The following NIBAN1 variants were observed in gnomAD, a reference collection of about 807,000 sequenced individuals.
NIBAN1 encodes the protein protein Niban 1.
A neutral mutation model predicts 75.1 loss-of-function variants in NIBAN1; 81 were observed. The observed-to-expected ratio is 1.08, with a 90% confidence interval of 0.90 to 1.30. NIBAN1 has a LOEUF of 1.30. NIBAN1 is among the 50% of genes most tolerant of loss of function. NIBAN1 has a pLI of 0.00. For missense variants in NIBAN1, 1,133 were observed against 1,128.1 expected (o/e 1.00, Z -0.06); for synonymous variants, 436 against 424.8 (o/e 1.03, Z -0.32).
rs1375813939 is a variant in NIBAN1, at chr1:184,918,630, T to C, written c.56-19321A>G. On this transcript the variant is annotated intron_variant, in intron 1 of 13. Coordinates refer to ENST00000367511, the MANE Select transcript of NIBAN1 (RefSeq NM_052966.4). ...CATCTGCAAAGTCAAATTGCAAGTC[T>C]ACCTTGAAGCTTCTCCTGAATTCTC... 4.6e-5 allele frequency among the ~76,000 whole-genome samples: 7 copies of C among 152,344 alleles called. No individual in the cohort carries two copies. The South Asian group carries it at 1.2e-3, about 27-fold the overall frequency.
intron 1 of NIBAN1, among the ~76,000 whole-genome samples, chr1:184,973,831 G>A (rs116319712): frequency 0.025 from 3,840 of 152,334 alleles, 124 homozygotes; most frequent in African/African-American, 0.073. Flanking sequence ...GCGAAGCTGC[G>A]GCCAACGCCG....
chr1:184,905,604 C>A (rs550460284), intron 1 of NIBAN1, among the ~76,000 whole-genome samples: 19 of 152,234 alleles, frequency 1.2e-4, no homozygotes, highest in Admixed American at 1.0e-3. Flanking sequence ...CCCCCTAAGT[C>A]CCCTGCTAGC....
chr1:184,942,288 T>G (rs1242965635), intron 1 of NIBAN1, among the ~76,000 whole-genome samples: 2 of 152,268 alleles, frequency 1.3e-5, no homozygotes, highest in Non-Finnish European at 2.9e-5. Context: ...AAGTTATACT[T>G]TTTTAGTCCA....
chr1:184,914,598 A>G (rs1262648840), intron 1 of NIBAN1, among the ~76,000 whole-genome samples: 1 of 152,150 alleles, frequency 6.6e-6, no homozygotes, highest in African/African-American at 2.4e-5. Context: ...CTTATGTATA[A>G]TTGAGGATTA....
Position 184,894,063 on chromosome 1 carries a change from G to C in NIBAN1, c.318+12C>G. On this transcript the variant is annotated intron_variant, in intron 3 of 13. Transcript: ENST00000367511. ...CAGTGTAAGAATCAGTAGTAACAAA[G>C]AAGTGTCTTACCTCTTTATTCTCAT... The C allele has an allele frequency of 6.3e-7, 1 of 1,589,914 alleles. No homozygotes were observed. The highest frequency in any genetic ancestry group is 8.5e-7 in the Non-Finnish European group (1 of 1,170,992).
chr1:184,851,644 T>A (rs5779231), intron 5 of NIBAN1, among the ~76,000 whole-genome samples: 5,501 of 115,636 alleles, frequency 0.048, 1,676 homozygotes, highest in African/African-American at 0.084. Context: ...AAAAAAAAAT[T>A]AAAAAAAAAA....
Position 184,890,186 on chromosome 1 carries a change from G to A in NIBAN1, c.355C>T (p.Leu119Phe). 1 of 1,613,940 alleles carries A rather than the reference G, an allele frequency of 6.2e-7. No individual in the cohort carries two copies. Among genetic ancestry groups the A allele is most frequent in the Non-Finnish European group, 8.5e-7 (1 of 1,179,868 alleles). ...GTTAACACCTTGCCACCGGCTGGAA[G>A]AATTCGACATTTAGGAGCAGCTCCT... ...QRGAAPKCRI[L>F]PAGGKVLTSE... Residue 119 changes from leucine (L) to phenylalanine (F), a missense_variant, in exon 4 of 14, where the codon CTT becomes TTT. Leu to Phe is a conservative substitution (Grantham distance 22). Transcript: ENST00000367511.
intron 9 of NIBAN1, among the ~76,000 whole-genome samples, chr1:184,810,281 G>A (rs1189809531): frequency 2.0e-5 from 3 of 152,114 alleles, no homozygotes; most frequent in Non-Finnish European, 4.4e-5. Flanking sequence ...TTAAACTGTA[G>A]GGTACACCAG....
intron 5 of NIBAN1, among the ~76,000 whole-genome samples, chr1:184,867,159 C>G (rs556973139): frequency 6.6e-6 from 1 of 151,916 alleles, no homozygotes; most frequent in Non-Finnish European, 1.5e-5. Flanking sequence ...CGGTCTCTCT[C>G]TCTCTCTCTC....
intron 1 of NIBAN1, among the ~76,000 whole-genome samples, chr1:184,960,743 C>T (rs1315597202): frequency 1.3e-5 from 2 of 152,050 alleles, no homozygotes; most frequent in African/African-American, 4.8e-5. Flanking sequence ...ATTCTCCTGT[C>T]TCAGCCTCCA....
chr1:184,875,667 A>C (rs1353605552), intron 5 of NIBAN1, among the ~76,000 whole-genome samples: 1 of 152,100 alleles, frequency 6.6e-6, no homozygotes, highest in Non-Finnish European at 1.5e-5. Context: ...GGAAAATTTG[A>C]CTCCATTTTT....
At chr1:184,961,877 G>A (rs558312597) in intron 1 of NIBAN1, among the ~76,000 whole-genome samples, 22 of 152,346 alleles carry the variant, frequency 1.4e-4, no homozygotes, top group South Asian at 2.1e-4. Flanking sequence ...ATTGCTGTGC[G>A]TAAGAATTTA....
intron 1 of NIBAN1, among the ~76,000 whole-genome samples, chr1:184,925,884 T>C (rs764660340): frequency 1.3e-5 from 2 of 152,192 alleles, no homozygotes; most frequent in African/African-American, 2.4e-5. Context: ...AATTACAGTG[T>C]TATAATATTC....
intron 5 of NIBAN1, among the ~76,000 whole-genome samples, chr1:184,833,984 T>A (rs1450601892): frequency 1.3e-5 from 2 of 151,998 alleles, no homozygotes; most frequent in Non-Finnish European, 2.9e-5. Context: ...CATTAGGTAT[T>A]TCTCCTAATG....
intron 8 of NIBAN1, among the ~76,000 whole-genome samples, chr1:184,820,240 C>A (rs1214268239): frequency 6.6e-6 from 1 of 152,032 alleles, no homozygotes; most frequent in Non-Finnish European, 1.5e-5. Context: ...ATGGAAATTT[C>A]AGAACAATGC....
At chr1:184,881,457 G>A (rs192997231) in intron 5 of NIBAN1, among the ~76,000 whole-genome samples, 13 of 152,272 alleles carry the variant, frequency 8.5e-5, no homozygotes, top group Admixed American at 3.9e-4. Flanking sequence ...AACCCCAAGC[G>A]AGATCAACAT....
chr1:184,892,267 C>T (rs1415999207), intron 3 of NIBAN1, among the ~76,000 whole-genome samples: 3 of 152,126 alleles, frequency 2.0e-5, no homozygotes, highest in African/African-American at 7.2e-5. Context: ...CTCTCAACAC[C>T]ATGGCAAAGA....
chr1:184,814,383 A>C (rs1654468775), intron 9 of NIBAN1, among the ~76,000 whole-genome samples: 1 of 152,180 alleles, frequency 6.6e-6, no homozygotes. Context: ...TTTAACATTA[A>C]AAATACACTA....
At chr1:184,807,482 G>C (rs1654236949) in intron 10 of NIBAN1, among the ~76,000 whole-genome samples, 2 of 152,240 alleles carry the variant, frequency 1.3e-5, no homozygotes, top group South Asian at 4.1e-4. Flanking sequence ...GGGTAGGGAA[G>C]TTCTATCAAA....
Sources: gnomAD v4.1 joint callset for allele counts (sites outside exome capture counted in the v4.1 genomes callset) on GRCh38, gnomAD v4.1.1 for gene constraint, MANE v1.5 for transcripts, NCBI Gene and HGNC (gene_info 2026-07-23, HGNC 2026-07-21) for gene names.